TLL1: variants seen among roughly 807,000 people sequenced by gnomAD.
TLL1 encodes the protein tolloid-like protein 1.
A neutral mutation model predicts 128.2 loss-of-function variants in TLL1; 49 were observed. The ratio of observed to expected loss-of-function variants is 0.38; its 90% CI spans 0.30 to 0.48. The LOEUF is 0.48. Ranked by LOEUF, TLL1 falls within the 20% of genes least tolerant of loss-of-function variation. TLL1 has a pLI of 0.96. For synonymous variants in TLL1, 454 were observed against 418.8 expected (o/e 1.08, Z -1.03); for missense variants, 1,123 against 1,242.0 (o/e 0.90, Z 1.44).
intron 9 of TLL1, among the ~76,000 whole-genome samples, chr4:166,035,456 T>A (rs1280075323): frequency 6.6e-6 from 1 of 152,130 alleles, no homozygotes; most frequent in Non-Finnish European, 1.5e-5. Flanking sequence ...ATTAAACTCT[T>A]GCGAGTTAAT....
At chr4:165,900,866 G>C (rs1731953197) in intron 1 of TLL1, among the ~76,000 whole-genome samples, 1 of 152,072 alleles carries the variant, frequency 6.6e-6, no homozygotes, top group African/African-American at 2.4e-5. Context: ...ATCACTTTCA[G>C]GTACAGCAAT....
intron 1 of TLL1, among the ~76,000 whole-genome samples, chr4:165,944,491 G>T (rs1252180112): frequency 1.3e-5 from 2 of 152,130 alleles, no homozygotes; most frequent in African/African-American, 4.8e-5. Context: ...ATGGCATGAG[G>T]TGAGATTATC....
At chr4:165,989,047 A>T (rs1465918413) in intron 1 of TLL1, among the ~76,000 whole-genome samples, 1 of 152,166 alleles carries the variant, frequency 6.6e-6, no homozygotes, top group Non-Finnish European at 1.5e-5. Flanking sequence ...AGATGCAGAC[A>T]TTCTTATCCG....
In TLL1 at chr4:166,055,055, A is replaced by G. The variant is rs536317656; in HGVS notation, c.1525-21A>G. ...GTTTTATCTATAAACATATATTTTCACATATTTTTTTCTGTTGCAGATTGA... is the reference window on the plus strand; with the variant it reads ...GTTTTATCTATAAACATATATTTTCGCATATTTTTTTCTGTTGCAGATTGA... On this transcript the variant is annotated intron_variant, in intron 12 of 20. Transcript: ENST00000061240. 8.8e-6 allele frequency: 14 copies of G among 1,599,552 alleles called. No homozygotes were observed. The South Asian group carries it at 1.6e-4, about 18-fold the overall frequency.
chr4:166,092,999 C>T (rs958391006), intron 19 of TLL1, among the ~76,000 whole-genome samples: 1 of 152,122 alleles, frequency 6.6e-6, no homozygotes, highest in Non-Finnish European at 1.5e-5. Flanking sequence ...ACGCCATTTG[C>T]GGTGTTTGCA....
At position 165,942,520 on chromosome 4, in the gene TLL1, G is replaced by A. The variant is rs151213794; in HGVS notation, c.170-46861G>A. 1.1e-3 allele frequency among the ~76,000 whole-genome samples: 167 copies of A among 151,818 alleles called. 2 individuals are homozygous for A. In the East Asian group the frequency reaches 0.029, roughly 27 times the overall value. ...CTATCTGTATTTGTATCACCAGAACGTAATCTAACCGAATACCTTCCAGTA... is the reference window on the plus strand; with the variant it reads ...CTATCTGTATTTGTATCACCAGAACATAATCTAACCGAATACCTTCCAGTA... On this transcript the variant is annotated intron_variant, in intron 1 of 20. Coordinates refer to ENST00000061240, the MANE Select transcript of TLL1 (RefSeq NM_012464.5).
At chr4:166,079,022 T>A (rs1741165819) in intron 18 of TLL1, among the ~76,000 whole-genome samples, 1 of 152,224 alleles carries the variant, frequency 6.6e-6, no homozygotes, top group African/African-American at 2.4e-5. Context: ...ATTCTTAGTA[T>A]GGAGGTCCTT....
At chr4:166,045,628 CAG>C (rs767065005) in intron 12 of TLL1, among the ~76,000 whole-genome samples, 12 of 152,236 alleles carry the variant, frequency 7.9e-5, no homozygotes, top group Non-Finnish European at 1.3e-4. Flanking sequence ...GCGCTACTGA[CAG>C]GGGATTTCCA....
intron 18 of TLL1, among the ~76,000 whole-genome samples, chr4:166,089,854 G>T (rs553576217): frequency 4.6e-5 from 7 of 151,932 alleles, no homozygotes; most frequent in African/African-American, 1.7e-4. Flanking sequence ...TCTTTCTTCC[G>T]TTAAGTAACT....
chr4:166,002,217 C>A (rs767793759), intron 5 of TLL1, among the ~76,000 whole-genome samples: 2 of 152,056 alleles, frequency 1.3e-5, no homozygotes, highest in Non-Finnish European at 2.9e-5. Context: ...ATCAGGGGAG[C>A]TCTCTGGGGC....
intron 16 of TLL1, among the ~76,000 whole-genome samples, chr4:166,066,288 T>C (rs1740572973): frequency 6.6e-6 from 1 of 151,668 alleles, no homozygotes; most frequent in Non-Finnish European, 1.5e-5. Context: ...ATAATTTTAC[T>C]AAATATAATA....
At chr4:166,096,806 A>G (rs1005510294) in intron 19 of TLL1, among the ~76,000 whole-genome samples, 1 of 152,174 alleles carries the variant, frequency 6.6e-6, no homozygotes, top group African/African-American at 2.4e-5. Flanking sequence ...ACATATTTAC[A>G]TGTTGAATTC....
chr4:166,060,285 A>G (rs1740245530), intron 15 of TLL1, 97 bp downstream of exon 15: 1 of 1,312,110 alleles, frequency 7.6e-7, no homozygotes, highest in South Asian at 1.3e-5. Flanking sequence ...GTAAAATAGT[A>G]TAGACATTGT....
At position 165,976,813 on chromosome 4, in the gene TLL1, G is replaced by A. The variant is rs1735905213; in HGVS notation, c.170-12568G>A. On this transcript the variant is annotated intron_variant, in intron 1 of 20. Coordinates refer to ENST00000061240, the MANE Select transcript of TLL1 (RefSeq NM_012464.5). The stretch of plus-strand genomic sequence containing the variant: ...TTTGTTATCCATGTAGATCAAGCAT[G>A]TCCAACCCATGGCCTCTGGGCTGTG... Among the ~76,000 whole-genome samples the A allele has an allele frequency of 2.6e-5, 4 of 152,216 alleles. No individual in the cohort carries two copies. In the South Asian group the frequency reaches 8.3e-4, roughly 32 times the overall value.
chr4:166,001,430 C>T (rs1338639932), intron 5 of TLL1, among the ~76,000 whole-genome samples: 2 of 152,096 alleles, frequency 1.3e-5, no homozygotes, highest in Non-Finnish European at 2.9e-5. Context: ...GTCATACACT[C>T]ACACACTTAG....
chr4:166,082,424 G>A lies in TLL1; in HGVS notation c.2442+4394G>A, dbSNP rs567127727. On this transcript the variant is annotated intron_variant, in intron 18 of 20. Transcript: ENST00000061240. ...ACATTATAATTGCTTGTGTTTCCCCGATTGACTTTCTGCATGTAATGTAAC... is the reference window on the plus strand; with the variant it reads ...ACATTATAATTGCTTGTGTTTCCCCAATTGACTTTCTGCATGTAATGTAAC... 8.5e-5 allele frequency among the ~76,000 whole-genome samples: 13 copies of A among 152,078 alleles called. No individual in the cohort carries two copies. In the South Asian group the frequency reaches 2.1e-3, roughly 24 times the overall value.
chr4:166,052,961 A>ATGTGTGTGTGTGTGTGTG (rs139204407), intron 12 of TLL1, among the ~76,000 whole-genome samples: 1 of 109,128 alleles, frequency 9.2e-6, no homozygotes. Context: ...ATAAGAGGTT[A>ATGTGTGTGTGTGTGTGTG]TGTGTATATA....
At chr4:166,055,776 T>A (rs1407862529) in intron 13 of TLL1, among the ~76,000 whole-genome samples, 1 of 152,144 alleles carries the variant, frequency 6.6e-6, no homozygotes, top group East Asian at 1.9e-4. Context: ...CATAACTACA[T>A]TTCAGTTTAT....
intron 18 of TLL1, among the ~76,000 whole-genome samples, chr4:166,088,860 G>A (rs934193777): frequency 1.3e-5 from 2 of 152,012 alleles, no homozygotes; most frequent in Admixed American, 1.3e-4. Context: ...TATGATTTAG[G>A]CCAGACGTCC....
Sources: allele counts gnomAD v4.1 joint callset (sites outside exome capture counted in the v4.1 genomes callset), GRCh38; gene constraint gnomAD v4.1.1; transcripts MANE v1.5; gene names NCBI Gene and HGNC (gene_info 2026-07-23, HGNC 2026-07-21).